The following RGS6 variants were observed in gnomAD, a reference collection of about 807,000 sequenced individuals.
RGS6 encodes the protein regulator of G-protein signaling 6.
In RGS6, 30 loss-of-function variants were observed where a neutral mutation model predicts 78.5. The ratio of observed to expected loss-of-function variants is 0.38; its 90% CI spans 0.29 to 0.52. RGS6 has a LOEUF of 0.52. Ranked by LOEUF, RGS6 falls within the 20% of genes least tolerant of loss-of-function variation. The pLI is 0.85. For missense variants in RGS6, 495 were observed against 609.7 expected, an observed-to-expected ratio of 0.81 and a Z score of 1.98; for synonymous variants, 206 against 206.0, an observed-to-expected ratio of 1.00 and a Z score of 0.00.
rs3053057 is a variant in RGS6, at chr14:72,001,471, AACACACACACACACACACACACAC to A, written c.84+36624_84+36647del. On this transcript the variant is annotated intron_variant, in intron 2 of 17. Coordinates refer to ENST00000553525, the MANE Select transcript of RGS6 (RefSeq NM_001204424.2). Reference sequence around the variant, plus strand: ...TGCTTTCTAAGATAAATAAAAACAGAACACACACACACACACACACACACACACACACACACACACACACACACA... The same window carrying A: ...TGCTTTCTAAGATAAATAAAAACAGAACACACACACACACACACACACACA... Among the ~76,000 whole-genome samples, 1,201 of 146,134 alleles carry A rather than the reference AACACACACACACACACACACACAC, an allele frequency of 8.2e-3. 14 individuals are homozygous for A. The highest frequency in any genetic ancestry group is 0.026 in the African/African-American group (1,032 of 39,334).
intron 2 of RGS6, among the ~76,000 whole-genome samples, chr14:72,318,280 A>G (rs114743483): frequency 0.018 from 2,801 of 152,278 alleles, 101 homozygotes; most frequent in African/African-American, 0.063. Flanking sequence ...CAGCCAGTCT[A>G]GCCTTTTCAC....
intron 3 of RGS6, among the ~76,000 whole-genome samples, chr14:72,418,171 CTT>C (rs759624780): frequency 6.8e-6 from 1 of 146,456 alleles, no homozygotes. Flanking sequence ...TCAAAATAAA[CTT>C]TTTTTTTTTT....
chr14:72,080,194 A>G (rs1429329084), intron 2 of RGS6, among the ~76,000 whole-genome samples: 1 of 151,946 alleles, frequency 6.6e-6, no homozygotes, highest in Non-Finnish European at 1.5e-5. Context: ...CTAGCCACAC[A>G]TTATCTTTCG....
At chr14:72,100,454 G>A (rs1032103578) in intron 2 of RGS6, among the ~76,000 whole-genome samples, 3 of 152,060 alleles carry the variant, frequency 2.0e-5, no homozygotes, top group Admixed American at 1.3e-4. Context: ...AAGATTGCAC[G>A]ACTGCACTCC....
At chr14:72,043,726 T>C (rs1176993839) in intron 2 of RGS6, among the ~76,000 whole-genome samples, 1 of 152,236 alleles carries the variant, frequency 6.6e-6, no homozygotes, top group East Asian at 1.9e-4. Flanking sequence ...TTTATTGTGC[T>C]TAGTGGTGGT....
chr14:72,169,808 G>A (rs2096985156), intron 2 of RGS6, among the ~76,000 whole-genome samples: 1 of 152,162 alleles, frequency 6.6e-6, no homozygotes, highest in African/African-American at 2.4e-5. Context: ...GAGATGCAGA[G>A]TATAGGGGCA....
chr14:72,167,648 A>G (rs548766949), intron 2 of RGS6, among the ~76,000 whole-genome samples: 5 of 152,298 alleles, frequency 3.3e-5, no homozygotes, highest in East Asian at 1.9e-4. Context: ...TACCCCACCC[A>G]TGATTATTAC....
intron 2 of RGS6, among the ~76,000 whole-genome samples, chr14:72,010,964 C>T (rs1019238504): frequency 1.3e-5 from 2 of 152,340 alleles, no homozygotes; most frequent in Admixed American, 6.5e-5. Context: ...CATCTCTGCC[C>T]ACTCATTGCA....
At chr14:72,155,565 C>T (rs1327510853) in intron 2 of RGS6, among the ~76,000 whole-genome samples, 1 of 152,188 alleles carries the variant, frequency 6.6e-6, no homozygotes, top group East Asian at 1.9e-4. Flanking sequence ...CATTAATGAG[C>T]TGGGCTGTAG....
chr14:72,104,326 G>T (rs1272136531), intron 2 of RGS6, among the ~76,000 whole-genome samples: 1 of 152,104 alleles, frequency 6.6e-6, no homozygotes, highest in Non-Finnish European at 1.5e-5. Context: ...AACTTTGAGT[G>T]ATATATTTCC....
chr14:72,205,225 G>A (rs2042446136), intron 2 of RGS6, among the ~76,000 whole-genome samples: 1 of 151,860 alleles, frequency 6.6e-6, no homozygotes, highest in Non-Finnish European at 1.5e-5. Context: ...TCCCTCAGTT[G>A]CTCACATTCA....
At chr14:72,266,831 G>T (rs768995923) in intron 2 of RGS6, among the ~76,000 whole-genome samples, 2 of 152,186 alleles carry the variant, frequency 1.3e-5, no homozygotes, top group African/African-American at 4.8e-5. Flanking sequence ...ACCAGGAGTG[G>T]TTCCCACAGC....
intron 15 of RGS6, among the ~76,000 whole-genome samples, chr14:72,524,288 G>A (rs1436247589): frequency 6.6e-6 from 1 of 152,206 alleles, no homozygotes; most frequent in African/African-American, 2.4e-5. Context: ...CAGTAGCAAA[G>A]CATTGCAGGC....
the RGS6 span, chr14:72,619,840 T>G: frequency 7.1e-7 from 1 of 1,416,276 alleles, no homozygotes. Context: ...TAGTGAGAGC[T>G]CAGTAAGTGC....
At chr14:72,352,255 G>A in intron 3 of RGS6, 61 bp downstream of exon 3, 2 of 1,294,100 alleles carry the variant, frequency 1.5e-6, no homozygotes, top group Admixed American at 1.9e-5. Flanking sequence ...TATAAGTCTA[G>A]ATTGCGGCCT....
intron 2 of RGS6, among the ~76,000 whole-genome samples, chr14:72,279,784 C>T (rs1200600929): frequency 6.6e-6 from 1 of 151,982 alleles, no homozygotes; most frequent in Non-Finnish European, 1.5e-5. Context: ...ACAAGGGTGG[C>T]AATTGAGATA....
At chr14:72,355,108 C>A (rs2079971067) in intron 3 of RGS6, among the ~76,000 whole-genome samples, 1 of 151,868 alleles carries the variant, frequency 6.6e-6, no homozygotes, top group African/African-American at 2.4e-5. Flanking sequence ...TCTTGATATC[C>A]TGCTTTTCTT....
At chr14:72,612,409 A>G in the RGS6 span, 5 of 511,618 alleles carry the variant, frequency 9.8e-6, no homozygotes, top group Non-Finnish European at 1.9e-5. Context: ...TCTTGCTCAC[A>G]TATCAGGCAG....
chr14:72,284,550 G>C (rs1401327662), intron 2 of RGS6, among the ~76,000 whole-genome samples: 2 of 152,238 alleles, frequency 1.3e-5, no homozygotes, highest in East Asian at 3.8e-4. Flanking sequence ...CTAGATTTCA[G>C]AGGATATATG....
Sources: allele counts gnomAD v4.1 joint callset (sites outside exome capture counted in the v4.1 genomes callset), GRCh38; gene constraint gnomAD v4.1.1; transcripts MANE v1.5; gene names NCBI Gene and HGNC (gene_info 2026-07-23, HGNC 2026-07-21).